The following ZBTB21 variants were observed in gnomAD, a reference collection of about 807,000 sequenced individuals.
ZBTB21 encodes zinc finger and BTB domain-containing protein 21.
Under a neutral mutation model 39.8 loss-of-function variants are expected in ZBTB21, and 10 were observed. The observed-to-expected ratio is 0.25, with a 90% CI of 0.16 to 0.43. The LOEUF (loss-of-function observed/expected upper bound fraction) is 0.43, where lower values mean the gene tolerates loss of function less well. Among genes scored for constraint, ZBTB21 ranks in the 20% least tolerant of loss-of-function variants. The pLI is 1.00. For missense variants in ZBTB21, 1,221 were observed against 1,296.3 expected, an observed-to-expected ratio of 0.94 and a Z score of 0.89; for synonymous variants, 551 against 498.8, an observed-to-expected ratio of 1.10 and a Z score of -1.40.
At chr21:42,003,279 G>T (rs564540660) in intron 1 of ZBTB21, among the ~76,000 whole-genome samples, 2 of 152,332 alleles carry the variant, frequency 1.3e-5, no homozygotes, top group East Asian at 3.9e-4. Context: ...ACAGATGCTT[G>T]CGTGGGCCTG....
At chr21:42,000,332 T>C (rs993916116) in intron 2 of ZBTB21, among the ~76,000 whole-genome samples, 2 of 152,210 alleles carry the variant, frequency 1.3e-5, no homozygotes, top group Non-Finnish European at 2.9e-5. Context: ...ACTTCCTTTC[T>C]TGTGCTTCCT....
At chr21:41,994,961 G>A (rs1317779763) in intron 2 of ZBTB21, among the ~76,000 whole-genome samples, 4 of 152,186 alleles carry the variant, frequency 2.6e-5, no homozygotes, top group African/African-American at 7.2e-5. Context: ...CTTCCCTGCT[G>A]CCATGTGAGA....
intron 2 of ZBTB21, among the ~76,000 whole-genome samples, chr21:41,996,507 C>T (rs1257805593): frequency 6.6e-6 from 1 of 152,172 alleles, no homozygotes; most frequent in African/African-American, 2.4e-5. Context: ...ATGCCTGTAC[C>T]CCCACTGTAT....
At position 41,990,700 on chromosome 21, in the gene ZBTB21, A is replaced by G. The variant is rs960251758; in HGVS notation, c.*195T>C. The G allele has an allele frequency of 2.7e-5, 13 of 478,966 alleles. No individual in the cohort carries two copies. The highest frequency in any genetic ancestry group is 2.6e-4 in the African/African-American group (13 of 49,734). 29.7% of individuals were successfully genotyped at this position (478,966 alleles called of 1,614,324 possible). ...TGTTCTTGTAAGGTCCAGAACCACAATATTTTAAAAGCTGTATTTCTAAAG... is the reference window on the plus strand; with the variant it reads ...TGTTCTTGTAAGGTCCAGAACCACAGTATTTTAAAAGCTGTATTTCTAAAG... On this transcript the variant is annotated 3_prime_UTR_variant, in exon 3 of 3. Transcript: ENST00000310826.
intron 1 of ZBTB21, among the ~76,000 whole-genome samples, chr21:42,006,443 AAT>A (rs2065879774): frequency 6.7e-6 from 1 of 149,978 alleles, no homozygotes; most frequent in Non-Finnish European, 1.5e-5. Context: ...AAAAAAAAAA[AAT>A]TTTTTTTTCT....
At chr21:42,001,829 G>A (rs986493895) in intron 2 of ZBTB21, among the ~76,000 whole-genome samples, 2 of 152,162 alleles carry the variant, frequency 1.3e-5, no homozygotes, top group Non-Finnish European at 2.9e-5. Context: ...CTACAGATGA[G>A]AAAACCGAGG....
At position 41,992,958 on chromosome 21, in the gene ZBTB21, A is replaced by C; in HGVS notation, c.1138T>G (p.Leu380Val). 1.2e-6 allele frequency: 2 copies of C among 1,614,198 alleles called. No individual in the cohort carries two copies. Among genetic ancestry groups the C allele is most frequent in the Non-Finnish European group, 1.7e-6 (2 of 1,180,040 alleles). ...TCTTTTAAAGATGACTTCTGAGATA[A>C]AGCACACAACACATTCCCTGGTGCA... is the stretch of plus-strand genomic sequence containing the variant. ...SDAPGNVLCA[L>V]SQKSSLKDCS... Residue 380 changes from leucine (L) to valine (V), a missense_variant, in exon 3 of 3, where the codon TTA becomes GTA. Around this residue, in one of 4 missense-constraint regions of ZBTB21, gnomAD observed 500 missense variants for 465.6 expected, o/e 1.07. Transcript: ENST00000310826. This position sits in a 1 kb window ranked among gnomAD's most constrained non-coding sequence, Gnocchi z 4.1.
At chr21:42,000,580 G>A (rs913874938) in intron 2 of ZBTB21, among the ~76,000 whole-genome samples, 1 of 152,074 alleles carries the variant, frequency 6.6e-6, no homozygotes, top group African/African-American at 2.4e-5. Context: ...TATGCATCCC[G>A]TTGCCAAAAA....
Position 41,991,120 on chromosome 21 carries a change from T to C in ZBTB21, c.2976A>G (p.Pro992=), listed in dbSNP as rs367585790. ...PSPPPLPPPP[P]LPKIQPLEPD... ...GCTCCAGAGGCTGGATCTTGGGCAG[T>C]GGTGGTGGCGGTGGCAGAGGTGGTG... The change falls in exon 3 of 3, where the codon CCA becomes CCG. Residue 992 remains proline, a synonymous_variant. Coordinates refer to ENST00000310826, the MANE Select transcript of ZBTB21 (RefSeq NM_001098402.2). The surrounding 1 kb of genome is among the most constrained non-coding windows in gnomAD (Gnocchi z 4.9). The C allele has an allele frequency of 1.2e-6, 2 of 1,613,192 alleles. No individual in the cohort carries two copies. Among genetic ancestry groups the C allele is most frequent in the African/African-American group, 1.3e-5 (1 of 74,800 alleles).
At position 41,992,894 on chromosome 21, in the gene ZBTB21, A is replaced by ACTTGAGGCCTGTCAT. The variant is rs1410444923; in HGVS notation, c.1187_1201dup (p.Asp396_Gln400dup). ...GGACCTGAGGCGATGCGGTTGTAGC[A>ACTTGAGGCCTGTCAT]CTTGAGGCCTGTCATCTAGGGCTGT... On this transcript the variant is annotated inframe_insertion, in exon 3 of 3. Coordinates refer to ENST00000310826, the MANE Select transcript of ZBTB21 (RefSeq NM_001098402.2). The surrounding 1 kb of genome is among the most constrained non-coding windows in gnomAD (Gnocchi z 4.1). 1 of 1,614,080 alleles carries ACTTGAGGCCTGTCAT rather than the reference A, an allele frequency of 6.2e-7. No individual in the cohort carries two copies. Among genetic ancestry groups the ACTTGAGGCCTGTCAT allele is most frequent in the Non-Finnish European group, 8.5e-7 (1 of 1,180,050 alleles).
intron 2 of ZBTB21, among the ~76,000 whole-genome samples, chr21:41,995,487 C>G (rs1485474121): frequency 6.6e-6 from 1 of 152,232 alleles, no homozygotes; most frequent in Non-Finnish European, 1.5e-5. Context: ...GAAGGAATTT[C>G]TAGGCAGCAA....
chr21:42,008,971 T>C (rs1039564893), intron 1 of ZBTB21, among the ~76,000 whole-genome samples: 10 of 152,184 alleles, frequency 6.6e-5, no homozygotes, highest in Admixed American at 6.5e-4. Context: ...CTTTCTAAAA[T>C]GGATTAACCC....
rs537116782 is a variant in ZBTB21, at chr21:41,995,512, T to A, written c.-13-1404A>T. 2.5e-3 allele frequency among the ~76,000 whole-genome samples: 381 copies of A among 152,330 alleles called. 3 individuals carry two copies. Among genetic ancestry groups the A allele is most frequent in the African/African-American group, 8.8e-3 (365 of 41,578 alleles). ...CTAGGCAGCAAAGCATTCAAGAGGT[T>A]CTCAGGTGCTGTTAGAGGCATTAAG... is the stretch of plus-strand genomic sequence containing the variant. On this transcript the variant is annotated intron_variant, in intron 2 of 2. Coordinates refer to ENST00000310826, the MANE Select transcript of ZBTB21 (RefSeq NM_001098402.2).
At chr21:42,008,807 T>G (rs2065916936) in intron 1 of ZBTB21, among the ~76,000 whole-genome samples, 1 of 152,204 alleles carries the variant, frequency 6.6e-6, no homozygotes, top group Admixed American at 6.5e-5. Context: ...AAAAGTTACT[T>G]TTAAGTAAAC....
chr21:42,008,942 A>G (rs929867955), intron 1 of ZBTB21, among the ~76,000 whole-genome samples: 2 of 152,238 alleles, frequency 1.3e-5, no homozygotes, highest in African/African-American at 2.4e-5. Context: ...GCTTTAAAAG[A>G]TAATTTTCCA....
Position 41,991,945 on chromosome 21 carries a change from T to C in ZBTB21, c.2151A>G (p.Glu717=). The C allele has an allele frequency of 6.2e-7, 1 of 1,614,128 alleles. No homozygotes were observed. Among genetic ancestry groups the C allele is most frequent in the Non-Finnish European group, 8.5e-7 (1 of 1,180,024 alleles). Residue 717 remains glutamate, a synonymous_variant, in exon 3 of 3, where the codon GAA becomes GAG. Transcript: ENST00000310826. This position sits in a 1 kb window ranked among gnomAD's most constrained non-coding sequence, Gnocchi z 4.9. ...KEHAPLASPV[E]NKEVYQCRLC... ...GGCGGCACTGGTAAACCTCCTTGTT[T>C]TCTACTGGACTTGCAAGAGGAGCAT...
Position 41,993,751 on chromosome 21 carries a change from A to G in ZBTB21, c.345T>C (p.Thr115=), listed in dbSNP as rs2065707812. ...LGYSLGISFL[T]NIVSKTPQAP... ...CTTGAGGTGTTTTAGAAACGATGTT[A>G]GTCAGAAAGGAAATCCCAAGACTAT... The change falls in exon 3 of 3, where the codon ACT becomes ACC. Residue 115 remains threonine (T), a synonymous_variant. Coordinates refer to ENST00000310826, the MANE Select transcript of ZBTB21 (RefSeq NM_001098402.2). 1 of 1,614,124 alleles carries G rather than the reference A, an allele frequency of 6.2e-7. No individual in the cohort carries two copies. Among genetic ancestry groups the G allele is most frequent in the Non-Finnish European group, 8.5e-7 (1 of 1,180,042 alleles).
At position 41,991,855 on chromosome 21, in the gene ZBTB21, C is replaced by T. The variant is rs767789060; in HGVS notation, c.2241G>A (p.Ala747=). Residue 747 remains alanine (A), a synonymous_variant, in exon 3 of 3, where the codon GCG becomes GCA. Transcript: ENST00000310826. The surrounding 1 kb of genome is among the most constrained non-coding windows in gnomAD (Gnocchi z 4.9). The part of the protein sequence containing the change: ...QGSHERLCRN[A]AVCPYCSLRF... ...TGAGGCTGCAGTAAGGGCAGACGGC[C>T]GCGTTCCGGCACAGCCGCTCGTGGC... 6.9e-5 allele frequency: 112 copies of T among 1,614,080 alleles called. No individual in the cohort carries two copies. The highest frequency in any genetic ancestry group is 1.1e-4 in the East Asian group (5 of 44,894).
At chr21:41,995,856 A>C (rs1187961936) in intron 2 of ZBTB21, among the ~76,000 whole-genome samples, 1 of 152,222 alleles carries the variant, frequency 6.6e-6, no homozygotes, top group Non-Finnish European at 1.5e-5. Context: ...GCCATGGCTG[A>C]AAGGGGCCAA....
Sources: allele counts gnomAD v4.1 joint callset (sites outside exome capture counted in the v4.1 genomes callset), GRCh38; gene constraint gnomAD v4.1.1; regional missense constraint gnomAD v4.1.1; non-coding constraint Gnocchi (gnomAD v3.1); transcripts MANE v1.5; gene names NCBI Gene and HGNC (gene_info 2026-07-23, HGNC 2026-07-21).